AHCYL2: variants seen among roughly 807,000 people sequenced by gnomAD.
The protein encoded by AHCYL2 is S-adenosylhomocysteine hydrolase-like protein 2.
AHCYL2 carries 28 observed loss-of-function variants against 81.4 expected under a neutral mutation model. That is an observed-to-expected ratio of 0.34 (90% CI 0.25 to 0.47). The LOEUF (loss-of-function observed/expected upper bound fraction) is 0.47. Among genes scored for constraint, AHCYL2 ranks in the 20% least tolerant of loss-of-function variants. The pLI, the probability that AHCYL2 is intolerant of heterozygous loss-of-function variation, is 1.00. For missense variants in AHCYL2, 551 were observed against 785.1 expected, an observed-to-expected ratio of 0.70 and a Z score of 3.56; for synonymous variants, 272 against 290.2, an observed-to-expected ratio of 0.94 and a Z score of 0.64.
rs1230481820 is a variant in AHCYL2, at chr7:129,413,143, G to A, written c.1367-451G>A. ...AGGCATGAGTGAGCATGCCTGGCCT[G>A]CTTTTTTTTTTTTTTTGAGAAAGAG... On this transcript the variant is annotated intron_variant, in intron 11 of 16. Coordinates refer to ENST00000325006, the MANE Select transcript of AHCYL2 (RefSeq NM_015328.4). Among the ~76,000 whole-genome samples, 34 of 129,070 alleles carry A rather than the reference G, an allele frequency of 2.6e-4. No individual in the cohort carries two copies. In the Admixed American group the frequency reaches 2.7e-3, roughly 10 times the overall value. The allele number at this position is 129,070 out of a possible 152,430, so 84.7% of individuals were successfully genotyped here.
intron 1 of AHCYL2, among the ~76,000 whole-genome samples, chr7:129,245,215 G>C (rs1795007517): frequency 6.6e-6 from 1 of 151,862 alleles, no homozygotes; most frequent in Non-Finnish European, 1.5e-5. Context: ...AGTAGAGATG[G>C]GGTTTCACCA....
At chr7:129,296,061 C>CT (rs1420444157) in intron 1 of AHCYL2, among the ~76,000 whole-genome samples, 5 of 152,210 alleles carry the variant, frequency 3.3e-5, no homozygotes, top group Admixed American at 6.5e-5. Context: ...GCCTTCGCTG[C>CT]TTCAATCCCC....
chr7:129,369,250 A>C (rs954255576), intron 1 of AHCYL2, among the ~76,000 whole-genome samples: 1 of 152,172 alleles, frequency 6.6e-6, no homozygotes, highest in South Asian at 2.1e-4. Flanking sequence ...GTTTCTAAAT[A>C]GTTTCTTCTA....
chr7:129,270,936 G>T (rs894603007), intron 1 of AHCYL2, among the ~76,000 whole-genome samples: 1 of 152,148 alleles, frequency 6.6e-6, no homozygotes, highest in Non-Finnish European at 1.5e-5. Flanking sequence ...CCAAAGCCAA[G>T]AAATTAACAT....
At chr7:129,300,770 A>G (rs1452652093) in intron 1 of AHCYL2, among the ~76,000 whole-genome samples, 1 of 152,138 alleles carries the variant, frequency 6.6e-6, no homozygotes, top group African/African-American at 2.4e-5. Context: ...TATCCTTGCC[A>G]GCATTTGTTA....
intron 1 of AHCYL2, among the ~76,000 whole-genome samples, chr7:129,239,787 G>A (rs1181224754): frequency 2.0e-5 from 3 of 151,374 alleles, no homozygotes; most frequent in Non-Finnish European, 2.9e-5. Context: ...CAGACACACC[G>A]AGACCCAGAG....
chr7:129,407,985 C>T (rs1796383473), intron 10 of AHCYL2, among the ~76,000 whole-genome samples: 1 of 152,150 alleles, frequency 6.6e-6, no homozygotes, highest in Non-Finnish European at 1.5e-5. Flanking sequence ...AAGGAGATAG[C>T]ATGGCAGATT....
chr7:129,323,277 G>A (rs1584783133), intron 1 of AHCYL2, among the ~76,000 whole-genome samples: 1 of 151,998 alleles, frequency 6.6e-6, no homozygotes, highest in African/African-American at 2.4e-5. Flanking sequence ...TGTGTTTTTA[G>A]TCTGTTTAAA....
At chr7:129,411,107 T>G (rs564630800) in intron 11 of AHCYL2, among the ~76,000 whole-genome samples, 3 of 152,174 alleles carry the variant, frequency 2.0e-5, no homozygotes, top group African/African-American at 7.2e-5. Context: ...TGATCTGTAA[T>G]TCATTCACTG....
chr7:129,291,575 A>G (rs79055813), intron 1 of AHCYL2, among the ~76,000 whole-genome samples: 3,570 of 150,500 alleles, frequency 0.024, 52 homozygotes, highest in Non-Finnish European at 0.038. Flanking sequence ...AATCATGTGA[A>G]TAATAAAATT....
At chr7:129,370,409 A>C (rs1794326298) in intron 1 of AHCYL2, among the ~76,000 whole-genome samples, 1 of 129,610 alleles carries the variant, frequency 7.7e-6, no homozygotes, top group African/African-American at 2.8e-5. Flanking sequence ...AAATAAAAAA[A>C]TTTGCAGCCG....
chr7:129,318,920 A>T (rs892435623), intron 1 of AHCYL2, among the ~76,000 whole-genome samples: 1 of 148,724 alleles, frequency 6.7e-6, no homozygotes, highest in African/African-American at 2.5e-5. Context: ...CGACTATATA[A>T]TTTTTTTTTT....
chr7:129,405,682 T>C (rs1796271577), intron 8 of AHCYL2, among the ~76,000 whole-genome samples, 154 bp from the exon 9 acceptor site: 1 of 152,114 alleles, frequency 6.6e-6, no homozygotes, highest in Admixed American at 6.5e-5. Flanking sequence ...TTCTGGTCTT[T>C]ACCAGAAAAC....
At chr7:129,227,770 C>T (rs1027570088) in intron 1 of AHCYL2, among the ~76,000 whole-genome samples, 6 of 152,078 alleles carry the variant, frequency 3.9e-5, no homozygotes, top group Admixed American at 2.0e-4. Context: ...TAGATATACT[C>T]AGCAGCCTCA....
intron 1 of AHCYL2, among the ~76,000 whole-genome samples, chr7:129,350,217 G>A (rs1371366093): frequency 6.6e-6 from 1 of 152,148 alleles, no homozygotes; most frequent in East Asian, 1.9e-4. Flanking sequence ...TGTGTCTTAT[G>A]AGCTCTGATC....
chr7:129,349,894 C>G lies in AHCYL2; in HGVS notation c.364-29744C>G, dbSNP rs938927181. Among the ~76,000 whole-genome samples, 6 of 152,074 alleles carry G rather than the reference C, an allele frequency of 3.9e-5. No individual in the cohort carries two copies. The East Asian group carries it at 1.2e-3, about 29-fold the overall frequency. ...GTAGTTCTACACTAATAAAAAATGC[C>G]TCTATCAATATTGATCATTATCTGT... On this transcript the variant is annotated intron_variant, in intron 1 of 16. Transcript: ENST00000325006.
chr7:129,304,618 T>C (rs1261535370), intron 1 of AHCYL2, among the ~76,000 whole-genome samples: 1 of 152,236 alleles, frequency 6.6e-6, no homozygotes, highest in Non-Finnish European at 1.5e-5. Context: ...ATTAACCCCT[T>C]TATCATTATA....
chr7:129,288,982 G>A (rs1796737947), intron 1 of AHCYL2, among the ~76,000 whole-genome samples: 1 of 151,746 alleles, frequency 6.6e-6, no homozygotes, highest in South Asian at 2.1e-4. Context: ...GAGTTTTACC[G>A]TGTTGCCCAG....
chr7:129,354,420 A>G (rs1180128339), intron 1 of AHCYL2, among the ~76,000 whole-genome samples: 2 of 152,232 alleles, frequency 1.3e-5, no homozygotes, highest in East Asian at 1.9e-4. Context: ...CATTTGAGAA[A>G]GTATAGAACA....
Sources: gnomAD v4.1 joint callset for allele counts (sites outside exome capture counted in the v4.1 genomes callset) on GRCh38, gnomAD v4.1.1 for gene constraint, MANE v1.5 for transcripts, NCBI Gene and HGNC (gene_info 2026-07-23, HGNC 2026-07-21) for gene names.